The following NR4A1 variants were observed in gnomAD, a reference collection of about 807,000 sequenced individuals.
NR4A1 encodes nuclear receptor subfamily 4immunitygroup A member 1.
NR4A1 carries 24 observed loss-of-function variants against 47.5 expected under a neutral mutation model. That is an observed-to-expected ratio of 0.50 (90% CI 0.37 to 0.71). NR4A1 has a LOEUF of 0.71. NR4A1 is among the 30% of genes least tolerant of loss of function. The pLI is 0.00. For missense variants in NR4A1, 669 were observed against 788.6 expected, an observed-to-expected ratio of 0.85 and a Z score of 1.82; for synonymous variants, 353 against 345.7, an observed-to-expected ratio of 1.02 and a Z score of -0.24.
At chr12:52,041,875 C>T in exon 2 of NR4A1, 1 of 1,531,020 alleles carries the variant, frequency 6.5e-7, no homozygotes, top group African/African-American at 1.4e-5. Context: ...CTGCTGGGCC[C>T]TGAAGGCAGA....
At chr12:52,036,944 G>C (rs1333154675) in intron 1 of NR4A1, among the ~76,000 whole-genome samples, 1 of 152,228 alleles carries the variant, frequency 6.6e-6, no homozygotes, top group Non-Finnish European at 1.5e-5. Context: ...CCTCACCTGA[G>C]AACCAGCTCC....
intron 1 of NR4A1, chr12:52,054,091 C>T (rs1939115674): frequency 1.9e-6 from 1 of 537,422 alleles, no homozygotes; most frequent in African/African-American, 1.9e-5. Context: ...GGCTGGCCTT[C>T]TGATGGAGCC....
chr12:52,052,721 C>T (rs1301658594), intron 1 of NR4A1: 45 of 927,088 alleles, frequency 4.9e-5, no homozygotes, highest in Non-Finnish European at 5.8e-5. Flanking sequence ...GGATGTGGGA[C>T]GTCCAGGTGG....
At chr12:52,023,724 C>T (rs1348898088) in intron 1 of NR4A1, among the ~76,000 whole-genome samples, 2 of 152,178 alleles carry the variant, frequency 1.3e-5, no homozygotes, top group African/African-American at 4.8e-5. Flanking sequence ...TGCCCCGGCC[C>T]AGCCCGTCCA....
chr12:52,046,974 G>A (rs1938671787), upstream of NR4A1, among the ~76,000 whole-genome samples: 1 of 152,132 alleles, frequency 6.6e-6, no homozygotes, highest in Admixed American at 6.6e-5. Flanking sequence ...CCTTATATGG[G>A]GTCGGTGGGG....
Position 52,054,683 on chromosome 12 carries a change from C to G in NR4A1, c.355C>G (p.Pro119Ala), listed in dbSNP as rs781159265. ...YGCYPGPLSG[P>A]VDEALSSSGS... Reference sequence around the variant, plus strand: ...CTGCTACCCCGGCCCCCTGAGCGGCCCAGTGGATGAGGCCCTGTCCTCCAG... The same window carrying G: ...CTGCTACCCCGGCCCCCTGAGCGGCGCAGTGGATGAGGCCCTGTCCTCCAG... Residue 119 changes from proline (P) to alanine (A), a missense_variant, in exon 2 of 7, where the codon CCA (proline) becomes GCA (alanine). Coordinates refer to ENST00000394825, the MANE Select transcript of NR4A1 (RefSeq NM_173157.3). 1.2e-6 allele frequency: 2 copies of G among 1,614,042 alleles called. No individual in the cohort carries two copies. The highest frequency in any genetic ancestry group is 1.7e-5 in the Admixed American group (1 of 60,028).
rs533941259 is a variant in NR4A1 at position 52,026,884 on chromosome 12, T to C, written c.-84+3945T>C. On this transcript the variant is annotated intron_variant, in intron 1 of 7. Transcript: ENST00000360284. ...AGGGCAGCAGCAGACATACCCACTC[T>C]TCCTCTGAGCGGGGAGGGGAAGGTG... Among the ~76,000 whole-genome samples the C allele has an allele frequency of 2.0e-5, 3 of 152,226 alleles. No individual in the cohort carries two copies. In the East Asian group the frequency reaches 5.8e-4, roughly 29 times the overall value.
intron 1 of NR4A1, among the ~76,000 whole-genome samples, chr12:52,032,826 T>C (rs1266845101): frequency 6.6e-6 from 1 of 152,000 alleles, no homozygotes; most frequent in East Asian, 1.9e-4. Flanking sequence ...GAATTAAGGG[T>C]GCTCACCCTT....
At chr12:52,038,953 C>A (rs986241686) in intron 1 of NR4A1, among the ~76,000 whole-genome samples, 1 of 152,198 alleles carries the variant, frequency 6.6e-6, no homozygotes, top group African/African-American at 2.4e-5. Flanking sequence ...TGTGAAGCCT[C>A]CATCCGCTAC....
chr12:52,055,396 G>C, intron 2 of NR4A1, 192 bp downstream of exon 2: 1 of 681,706 alleles, frequency 1.5e-6, no homozygotes, highest in Non-Finnish European at 2.4e-6. Flanking sequence ...TTCATTTGCC[G>C]GGACACTCGG....
intron 1 of NR4A1, among the ~76,000 whole-genome samples, chr12:52,024,036 G>A (rs530808920): frequency 5.2e-5 from 8 of 152,386 alleles, no homozygotes; most frequent in Non-Finnish European, 1.0e-4. Context: ...GGCTATCTGA[G>A]GGAGAGTCGC....
Position 52,054,877 on chromosome 12 carries a change from C to T in NR4A1, c.549C>T (p.Pro183=), listed in dbSNP as rs563213846. ...WTEQLPKASG[P]PQPPAFFSFS... ...AGCAGCTGCCCAAAGCCTCTGGGCC[C>T]CCACAGCCTCCAGCCTTCTTTTCCT... Residue 183 remains proline (P), a synonymous_variant, in exon 2 of 7, where the codon CCC becomes CCT. Coordinates refer to ENST00000394825, the MANE Select transcript of NR4A1 (RefSeq NM_173157.3). 9.3e-6 allele frequency: 15 copies of T among 1,614,118 alleles called. No homozygotes were observed. Among genetic ancestry groups the T allele is most frequent in the Non-Finnish European group, 1.3e-5 (15 of 1,180,050 alleles).
At chr12:52,055,659 G>A in intron 2 of NR4A1, 1 of 369,820 alleles carries the variant, frequency 2.7e-6, no homozygotes. Flanking sequence ...CAGCGATGGT[G>A]CCTGCTTAGC....
Position 52,041,923 on chromosome 12 carries a change from C to T in NR4A1, c.31C>T (p.Gln11Ter). 1 of 1,464,182 alleles carries T rather than the reference C, an allele frequency of 6.8e-7. No homozygotes were observed. Among genetic ancestry groups the T allele is most frequent in the Non-Finnish European group, 9.0e-7 (1 of 1,109,876 alleles). 90.7% of individuals were successfully genotyped at this position (1,464,182 alleles called of 1,614,324 possible). Residue 11 changes from glutamine to a stop codon, truncating the protein, a stop_gained, in exon 2 of 8, where the codon CAG becomes TAG. Transcript: ENST00000360284. LOFTEE classifies it high-confidence loss of function. ...GTTGGCCAAGGCCTGTTGGTCCATC[C>T]AGAGTGGTAAGTGCTCTGCTATTGT...
intron 6 of NR4A1, among the ~76,000 whole-genome samples, chr12:52,057,791 C>T (rs1168350652): frequency 2.0e-5 from 3 of 152,216 alleles, no homozygotes; most frequent in African/African-American, 7.2e-5. Flanking sequence ...TGTATGTGGC[C>T]TAGGGTATTG....
At chr12:52,024,108 G>A (rs1937950990) in intron 1 of NR4A1, among the ~76,000 whole-genome samples, 1 of 152,226 alleles carries the variant, frequency 6.6e-6, no homozygotes, top group African/African-American at 2.4e-5. Flanking sequence ...CAAACGCTCA[G>A]CAGTGAAGAA....
chr12:52,042,271 G>A (rs1938468939), intron 2 of NR4A1, among the ~76,000 whole-genome samples: 1 of 152,128 alleles, frequency 6.6e-6, no homozygotes, highest in Admixed American at 6.5e-5. Context: ...AGGGTGTCTG[G>A]GGGCTGGGCT....
chr12:52,059,134 C>A lies in NR4A1; in HGVS notation c.*190C>A. The stretch of plus-strand genomic sequence containing the variant: ...AGGGGGATGCCTTCATGGGGGTGAC[C>A]CCACGATTTGTCTTATCCCCCCCAG... On this transcript the variant is annotated 3_prime_UTR_variant, in exon 7 of 7. Transcript: ENST00000394825. 1 of 708,518 alleles carries A rather than the reference C, an allele frequency of 1.4e-6. No individual in the cohort carries two copies. Among genetic ancestry groups the A allele is most frequent in the Non-Finnish European group, 2.3e-6 (1 of 442,110 alleles). The allele number at this position is 708,518 out of a possible 1,614,324, so 43.9% of individuals were successfully genotyped here.
intron 1 of NR4A1, among the ~76,000 whole-genome samples, chr12:52,032,738 G>C: frequency 6.6e-6 from 1 of 152,050 alleles, no homozygotes; most frequent in Non-Finnish European, 1.5e-5. Context: ...TCTCCAAGTT[G>C]ACCTAAATAG....
Sources: allele counts gnomAD v4.1 joint callset (sites outside exome capture counted in the v4.1 genomes callset), GRCh38; gene constraint gnomAD v4.1.1; transcripts MANE v1.5; gene names NCBI Gene and HGNC (gene_info 2026-07-23, HGNC 2026-07-21).